FAHD2A: variants seen among roughly 807,000 people sequenced by gnomAD.
The protein encoded by FAHD2A is oxaloacetate tautomerase FAHD2A, mitochondrial.
A neutral mutation model predicts 33.4 loss-of-function variants in FAHD2A; 27 were observed. The ratio of observed to expected loss-of-function variants is 0.81; its 90% CI spans 0.60 to 1.11. The LOEUF (loss-of-function observed/expected upper bound fraction) is 1.11, where lower values mean the gene tolerates loss of function less well. Ranked by LOEUF, FAHD2A falls within the 50% of genes most tolerant of loss-of-function variation. FAHD2A has a pLI of 0.00. For missense variants in FAHD2A, 296 were observed against 395.0 expected, an observed-to-expected ratio of 0.75 and a Z score of 2.12; for synonymous variants, 130 against 153.3, an observed-to-expected ratio of 0.85 and a Z score of 1.12.
intron 1 of FAHD2A, among the ~76,000 whole-genome samples, chr2:95,404,014 G>A (rs1681131214): frequency 6.6e-6 from 1 of 152,168 alleles, no homozygotes; most frequent in Non-Finnish European, 1.5e-5. Flanking sequence ...AGTCAAACTG[G>A]TGGGCCACAA....
At position 95,412,494 on chromosome 2, in the gene FAHD2A, C is replaced by T. The variant is rs1337578254; in HGVS notation, c.746C>T (p.Thr249Ile). Residue 249 changes from threonine (T) to isoleucine (I), a missense_variant, in exon 6 of 8, where the codon ACC becomes ATC. Physicochemically the swap from Thr to Ile is moderately conservative, Grantham distance 89 (BLOSUM62 -1). Transcript: ENST00000233379. ...VNGEVVQSGN[T>I]NQMVFKTEDL... is the part of the protein sequence containing the mutation. ...GGGGAAGTGGTCCAGAGCGGCAACACCAACCAGATGGTATTCAAGACAGAG... is the reference window on the plus strand; with the variant it reads ...GGGGAAGTGGTCCAGAGCGGCAACATCAACCAGATGGTATTCAAGACAGAG... 6.2e-7 allele frequency: 1 copy of T among 1,613,974 alleles called. No individual in the cohort carries two copies. Among genetic ancestry groups the T allele is most frequent in the South Asian group, 1.1e-5 (1 of 91,078 alleles).
At position 95,415,362 on chromosome 2, in the gene FAHD2A, TTAAACTC is replaced by T. The variant is rs1432611177; in HGVS notation, c.*2409_*2415del. 1.3e-5 allele frequency: 2 copies of T among 150,718 alleles called. No homozygotes were observed. 9.3% of individuals were successfully genotyped at this position (150,718 alleles called of 1,614,324 possible). Reference sequence around the variant, plus strand: ...AGACTTCCCAGTGTTTAGCAACAGATTAAACTCTAAGCCAACAACAACAGAACAGGGT... The same window carrying T: ...AGACTTCCCAGTGTTTAGCAACAGATTAAGCCAACAACAACAGAACAGGGT... On this transcript the variant is annotated 3_prime_UTR_variant, in exon 8 of 8. Transcript: ENST00000233379.
chr2:95,410,921 C>T lies in FAHD2A; in HGVS notation c.580C>T (p.Arg194Cys), dbSNP rs566500770. Residue 194 changes from arginine (R) to cysteine (C), a missense_variant, in exon 5 of 8, where the codon CGT (arginine) becomes TGT (cysteine). Coordinates refer to ENST00000233379, the MANE Select transcript of FAHD2A (RefSeq NM_016044.3). The part of the protein sequence containing the change: ...GFTVAHDVSA[R>C]DWQMRRNGKQ... ...CACTGTGGCTCATGACGTGAGTGCTCGTGACTGGCAAATGAGACGTAATGG... is the reference window on the plus strand; with the variant it reads ...CACTGTGGCTCATGACGTGAGTGCTTGTGACTGGCAAATGAGACGTAATGG... 71 of 1,613,976 alleles carry T rather than the reference C, an allele frequency of 4.4e-5. 1 individual carries two copies. Among genetic ancestry groups the T allele is most frequent in the East Asian group, 2.2e-4 (10 of 44,880 alleles).
At chr2:95,402,894 C>T (rs1374600687) in intron 1 of FAHD2A, 22 bp downstream of exon 1, 1 of 152,412 alleles carries the variant, frequency 6.6e-6, no homozygotes, top group South Asian at 2.1e-4. Context: ...CTGGCTGGGT[C>T]TAGGCCAGAA....
intron 2 of FAHD2A, 67 bp downstream of exon 2, chr2:95,405,870 G>T (rs1681457435): frequency 6.8e-7 from 1 of 1,462,764 alleles, no homozygotes; most frequent in Admixed American, 2.6e-5. Context: ...CCCGCTCTGG[G>T]AAACAGCACC....
chr2:95,411,647 G>T (rs956132835), intron 5 of FAHD2A, among the ~76,000 whole-genome samples: 1 of 152,234 alleles, frequency 6.6e-6, no homozygotes, highest in African/African-American at 2.4e-5. Context: ...TCTACTTAAG[G>T]GGGGTAGAAC....
At chr2:95,411,772 C>T (rs1441550754) in intron 5 of FAHD2A, among the ~76,000 whole-genome samples, 1 of 152,182 alleles carries the variant, frequency 6.6e-6, no homozygotes, top group Non-Finnish European at 1.5e-5. Context: ...AGAACCATTG[C>T]CTCACTGCTT....
chr2:95,408,725 A>G (rs1467198366), intron 3 of FAHD2A, among the ~76,000 whole-genome samples: 1 of 152,242 alleles, frequency 6.6e-6, no homozygotes, highest in South Asian at 2.1e-4. Flanking sequence ...TATGGGAGCT[A>G]CAAGTTGAGA....
At chr2:95,404,892 C>T (rs1207742072) in intron 1 of FAHD2A, among the ~76,000 whole-genome samples, 1 of 152,204 alleles carries the variant, frequency 6.6e-6, no homozygotes, top group East Asian at 1.9e-4. Flanking sequence ...TCTGGAGAGG[C>T]AGGTGGGGGC....
intron 1 of FAHD2A, among the ~76,000 whole-genome samples, chr2:95,403,818 C>T (rs1681100653): frequency 6.6e-6 from 1 of 152,164 alleles, no homozygotes; most frequent in Admixed American, 6.5e-5. Flanking sequence ...CCACAATTGT[C>T]GAGAATTAAA....
Position 95,412,432 on chromosome 2 carries a change from A to G in FAHD2A, c.686-2A>G. On this transcript the variant is annotated splice_acceptor_variant, in intron 5 of 7. Coordinates refer to ENST00000233379, the MANE Select transcript of FAHD2A (RefSeq NM_016044.3). LOFTEE classifies it high-confidence loss of function. ...CTCCAAGGTACCATCTTTGCATTTC[A>G]GATCCACACAACTTAAAGATCTGCT... 6.2e-7 allele frequency: 1 copy of G among 1,613,882 alleles called. No individual in the cohort carries two copies. The highest frequency in any genetic ancestry group is 1.7e-5 in the Admixed American group (1 of 60,016).
intron 3 of FAHD2A, among the ~76,000 whole-genome samples, chr2:95,408,660 C>T (rs1682006388): frequency 6.6e-6 from 1 of 152,188 alleles, no homozygotes; most frequent in African/African-American, 2.4e-5. Flanking sequence ...CGGGAAAGAC[C>T]TGCCCCCATG....
intron 7 of FAHD2A, 55 bp from the exon 8 acceptor site, chr2:95,412,840 T>C: frequency 6.2e-7 from 1 of 1,614,200 alleles, no homozygotes; most frequent in South Asian, 1.1e-5. Context: ...AGTACAGGCT[T>C]GTGTATGTGT....
chr2:95,418,152 A>G (rs1573597902), downstream of FAHD2A, among the ~76,000 whole-genome samples: 1 of 152,162 alleles, frequency 6.6e-6, no homozygotes, highest in African/African-American at 2.4e-5. Flanking sequence ...TCAAAGTACC[A>G]CAAGTACCTG....
At chr2:95,418,947 T>C (rs1030575957), downstream of FAHD2A, among the ~76,000 whole-genome samples, 71 of 152,072 alleles carry the variant, frequency 4.7e-4, no homozygotes, top group South Asian at 2.1e-4. Context: ...CTTGTGTCCT[T>C]GTAAGAGAGA....
At position 95,405,524 on chromosome 2, in the gene FAHD2A, T is replaced by C. The variant is rs376249240; in HGVS notation, c.-6-29T>C. 76 of 1,583,858 alleles carry C rather than the reference T, an allele frequency of 4.8e-5. No individual in the cohort carries two copies. The African/African-American group carries it at 9.5e-4, about 20-fold the overall frequency. ...CTGATGATGGCTCTGGGATCCTCTG[T>C]CTCCTGGATCCTGCATTTTTCTCTG... On this transcript the variant is annotated intron_variant, in intron 1 of 7. Coordinates refer to ENST00000233379, the MANE Select transcript of FAHD2A (RefSeq NM_016044.3).
At chr2:95,407,643 TATAA>T (rs1366602637) in intron 3 of FAHD2A, 1 of 158,180 alleles carries the variant, frequency 6.3e-6, no homozygotes, top group Non-Finnish European at 1.4e-5. Flanking sequence ...TTTTGGCTTC[TATAA>T]ATAAATGTTG....
intron 3 of FAHD2A, 155 bp downstream of exon 3, chr2:95,407,312 A>G: frequency 8.9e-7 from 1 of 1,127,478 alleles, no homozygotes; most frequent in Non-Finnish European, 1.2e-6. Context: ...TGGCCTTGGA[A>G]AAAAAAAGTT....
In FAHD2A at chr2:95,407,100, G is replaced by C; in HGVS notation, c.405G>C (p.Lys135Asn). The change falls in exon 3 of 8, where the codon AAG (lysine) becomes AAC (asparagine). Residue 135 changes from lysine (K) to asparagine (N), a missense_variant. Transcript: ENST00000233379. The part of the protein sequence containing the change: ...PVPKEPIIFS[K>N]FASSIVGPYD... ...CCAAGGAGCCCATCATCTTCAGCAA[G>C]TTTGCCAGCTCCATCGTGGGGCCCT... 4 of 1,612,346 alleles carry C rather than the reference G, an allele frequency of 2.5e-6. No individual in the cohort carries two copies. Among genetic ancestry groups the C allele is most frequent in the Non-Finnish European group, 2.5e-6 (3 of 1,179,858 alleles).
Sources: gnomAD v4.1 joint callset for allele counts (sites outside exome capture counted in the v4.1 genomes callset) on GRCh38, gnomAD v4.1.1 for gene constraint, MANE v1.5 for transcripts, NCBI Gene and HGNC (gene_info 2026-07-23, HGNC 2026-07-21) for gene names.